HNRNPLL: variants seen among roughly 807,000 people sequenced by gnomAD.
HNRNPLL encodes heterogeneous nuclear ribonucleoprotein L-like.
In HNRNPLL, 25 loss-of-function variants were observed where a neutral mutation model predicts 67.1. That is an observed-to-expected ratio of 0.37 (90% CI 0.27 to 0.52). HNRNPLL has a LOEUF of 0.52. HNRNPLL is among the 20% of genes least tolerant of loss of function. HNRNPLL has a pLI of 0.90. For synonymous variants in HNRNPLL, 267 were observed against 241.7 expected (o/e 1.10, Z -0.97); for missense variants, 542 against 673.9 (o/e 0.80, Z 2.17).
chr2:38,569,345 TAAAGA>T lies in HNRNPLL; in HGVS notation c.1215-16_1215-12del. On this transcript the variant is annotated splice_polypyrimidine_tract_variant and intron_variant, in intron 9 of 12. Transcript: ENST00000449105. ...TGTTGTTTAGACACGCTAAAGATTG[TAAAGA>T]AAAGACATACAAAAGTACTTTGTTA... 2 of 1,579,372 alleles carry T rather than the reference TAAAGA, an allele frequency of 1.3e-6. No individual in the cohort carries two copies. The highest frequency in any genetic ancestry group is 2.2e-5 in the East Asian group (1 of 44,526).
intron 4 of HNRNPLL, 32 bp downstream of exon 4, chr2:38,583,809 C>T (rs754509450): frequency 5.0e-6 from 5 of 1,008,380 alleles, no homozygotes; most frequent in Non-Finnish European, 7.6e-6. Context: ...GTATGAATTA[C>T]ACATCAATAA....
chr2:38,567,635 C>A (rs1217655224), intron 12 of HNRNPLL, among the ~76,000 whole-genome samples: 1 of 152,164 alleles, frequency 6.6e-6, no homozygotes, highest in Non-Finnish European at 1.5e-5. Flanking sequence ...GGTACTCCCA[C>A]CCTGTATAGT....
chr2:38,587,813 T>C (rs1042947606), intron 2 of HNRNPLL, among the ~76,000 whole-genome samples: 15 of 152,252 alleles, frequency 9.9e-5, no homozygotes, highest in South Asian at 8.3e-4. Context: ...TGATCGCCGA[T>C]GTAGGAAGTG....
chr2:38,565,191 G>GA (rs566881275), intron 12 of HNRNPLL, among the ~76,000 whole-genome samples: 127 of 151,932 alleles, frequency 8.4e-4, no homozygotes, highest in Non-Finnish European at 1.3e-3. Context: ...GTTCATTAAA[G>GA]AAAAAAAATT....
intron 4 of HNRNPLL, among the ~76,000 whole-genome samples, chr2:38,583,066 A>C (rs771562227): frequency 1.0e-3 from 159 of 152,286 alleles, no homozygotes; most frequent in Non-Finnish European, 2.0e-3. Flanking sequence ...TAAGAAGAAC[A>C]TTACAAAGAG....
At chr2:38,573,115 T>A in intron 8 of HNRNPLL, 95 bp downstream of exon 8, 2 of 771,384 alleles carry the variant, frequency 2.6e-6, no homozygotes, top group Non-Finnish European at 4.2e-6. Context: ...AGAATTTGGA[T>A]ATTCCTGATA....
intron 12 of HNRNPLL, among the ~76,000 whole-genome samples, chr2:38,565,722 T>G (rs1011742555): frequency 2.2e-5 from 2 of 91,200 alleles, no homozygotes; most frequent in African/African-American, 5.0e-5. Flanking sequence ...AGCAAGACCC[T>G]GTCTCAAAAA....
chr2:38,598,831 C>G (rs1444687849), intron 1 of HNRNPLL, among the ~76,000 whole-genome samples: 2 of 152,160 alleles, frequency 1.3e-5, no homozygotes, highest in Admixed American at 1.3e-4. Flanking sequence ...CATTTCTTTC[C>G]CCAAACTAGG....
chr2:38,599,926 A>G (rs993054137), intron 1 of HNRNPLL: 8 of 471,006 alleles, frequency 1.7e-5, no homozygotes, highest in African/African-American at 2.0e-5. Flanking sequence ...TCTGACCACA[A>G]AGGTATTTCT....
chr2:38,597,784 G>A (rs1012721853), intron 1 of HNRNPLL, among the ~76,000 whole-genome samples: 1 of 151,798 alleles, frequency 6.6e-6, no homozygotes, highest in Admixed American at 6.6e-5. Context: ...CGCCCCTCCA[G>A]GTTTAGCAAT....
chr2:38,581,652 GA>G lies in HNRNPLL; in HGVS notation c.802+260del, dbSNP rs577803346. On this transcript the variant is annotated intron_variant, in intron 6 of 12. Coordinates refer to ENST00000449105, the MANE Select transcript of HNRNPLL (RefSeq NM_138394.4). ...CTCCAAAGAGAGAGAGCTGCTTGGA[GA>G]AATGCAAGTCCTTGAACTGCGGGCG... The G allele has an allele frequency of 2.2e-3, 1,134 of 518,320 alleles. 30 individuals are homozygous for G. In the South Asian group the frequency reaches 0.03, roughly 14 times the overall value. 32.1% of individuals were successfully genotyped at this position (518,320 alleles called of 1,614,324 possible).
At chr2:38,592,603 A>C (rs1235672021) in intron 1 of HNRNPLL, among the ~76,000 whole-genome samples, 1 of 152,254 alleles carries the variant, frequency 6.6e-6, no homozygotes, top group Non-Finnish European at 1.5e-5. Context: ...TATGCCAGGC[A>C]GGATGTTTCA....
intron 1 of HNRNPLL, chr2:38,601,714 T>C (rs1403549896): frequency 6.6e-6 from 1 of 152,138 alleles, no homozygotes; most frequent in Non-Finnish European, 1.5e-5. Flanking sequence ...TGGAATAAAT[T>C]ACCAATGAAA....
At chr2:38,601,930 T>C (rs2148396999) in intron 1 of HNRNPLL, 1 of 153,678 alleles carries the variant, frequency 6.5e-6, no homozygotes, top group East Asian at 1.9e-4. Flanking sequence ...AACTAGCATG[T>C]GAACGCCAAG....
intron 7 of HNRNPLL, among the ~76,000 whole-genome samples, chr2:38,576,695 G>A (rs543137269): frequency 3.3e-5 from 5 of 151,840 alleles, no homozygotes; most frequent in African/African-American, 7.2e-5. Flanking sequence ...GGTGCTTTTC[G>A]GTGACCAATC....
chr2:38,580,743 C>A (rs948646516), intron 6 of HNRNPLL, among the ~76,000 whole-genome samples: 1 of 152,180 alleles, frequency 6.6e-6, no homozygotes, highest in Non-Finnish European at 1.5e-5. Flanking sequence ...TTTATCCTCA[C>A]GAAATCTAGC....
rs949741307 is a variant in HNRNPLL at position 38,563,793 on chromosome 2, A to C, written c.*389T>G. ...AACATACTTAAACATCTAAACATAT[A>C]ATAGGAATTCTATATTAAAATGCAA... On this transcript the variant is annotated 3_prime_UTR_variant, in exon 13 of 13. Transcript: ENST00000449105. 1.3e-5 allele frequency: 2 copies of C among 157,758 alleles called. No homozygotes were observed. Among genetic ancestry groups the C allele is most frequent in the African/African-American group, 4.8e-5 (2 of 41,596 alleles). The allele number at this position is 157,758 out of a possible 1,614,324, so 9.8% of individuals were successfully genotyped here.
At chr2:38,591,745 G>C in intron 1 of HNRNPLL, 97 bp from the exon 2 acceptor site, 2 of 670,442 alleles carry the variant, frequency 3.0e-6, no homozygotes, top group South Asian at 1.7e-5. Context: ...GGAGGTCAAA[G>C]TGGGAGGGTC....
At chr2:38,589,787 T>G (rs564242285) in intron 2 of HNRNPLL, among the ~76,000 whole-genome samples, 2 of 152,210 alleles carry the variant, frequency 1.3e-5, no homozygotes, top group African/African-American at 4.8e-5. Context: ...CTTCCCAAAG[T>G]TTCCATTTAT....
Sources: allele counts gnomAD v4.1 joint callset (sites outside exome capture counted in the v4.1 genomes callset), GRCh38; gene constraint gnomAD v4.1.1; transcripts MANE v1.5; gene names NCBI Gene and HGNC (gene_info 2026-07-23, HGNC 2026-07-21).